Variants in DSCAM observed in about 807,000 individuals in gnomAD.
DSCAM encodes cell adhesion molecule DSCAM.
In DSCAM, 47 loss-of-function variants were observed where a neutral mutation model predicts 217.7. That is an observed-to-expected ratio of 0.22 (90% CI 0.17 to 0.28). The LOEUF is 0.28. Ranked by LOEUF, DSCAM falls within the 10% of genes least tolerant of loss-of-function variation. DSCAM has a pLI of 1.00. For synonymous variants in DSCAM, 1,056 were observed against 1,015.3 expected (o/e 1.04, Z -0.76); for missense variants, 2,080 against 2,618.3 (o/e 0.79, Z 4.49).
intron 1 of DSCAM, among the ~76,000 whole-genome samples, chr21:40,818,390 C>CA (rs1290323304): frequency 1.3e-5 from 2 of 150,722 alleles, no homozygotes; most frequent in Non-Finnish European, 3.0e-5. Flanking sequence ...ACTAAAAATA[C>CA]AAAAAATTAG....
At position 40,085,665 on chromosome 21, in the gene DSCAM, A is replaced by G; in HGVS notation, c.4069T>C (p.Tyr1357His). The G allele has an allele frequency of 2.5e-6, 4 of 1,595,144 alleles. No homozygotes were observed. The highest frequency in any genetic ancestry group is 1.7e-5 in the Admixed American group (1 of 59,740). The change falls in exon 23 of 33, where the codon TAC (tyrosine) becomes CAC (histidine). Residue 1357 changes from tyrosine (Y) to histidine (H), a missense_variant. Physicochemically the swap from Tyr to His is moderately conservative, Grantham distance 83. Coordinates refer to ENST00000400454, the MANE Select transcript of DSCAM (RefSeq NM_001389.5). ...RTVKAEDSGY[Y>H]SCIANNNWGS... Reference sequence around the variant, plus strand: ...CAGTTGTTATTGGCAATGCAGCTGTAATAGCCGGAGTCTTCTGCTTTCACC... The same window carrying G: ...CAGTTGTTATTGGCAATGCAGCTGTGATAGCCGGAGTCTTCTGCTTTCACC...
At chr21:40,434,162 A>G (rs561230053) in intron 3 of DSCAM, among the ~76,000 whole-genome samples, 1 of 152,292 alleles carries the variant, frequency 6.6e-6, no homozygotes, top group East Asian at 1.9e-4. Flanking sequence ...TTACACACAC[A>G]TGATCACGTG....
intron 4 of DSCAM, among the ~76,000 whole-genome samples, chr21:40,354,848 C>CAAAAA (rs11314417): frequency 1.2e-4 from 14 of 112,382 alleles, no homozygotes; most frequent in African/African-American, 4.0e-4. Context: ...AACTCTGTCT[C>CAAAAA]AAAAAAAAAA....
intron 3 of DSCAM, among the ~76,000 whole-genome samples, chr21:40,412,529 A>C (rs1421137955): frequency 6.6e-6 from 1 of 152,154 alleles, no homozygotes; most frequent in Non-Finnish European, 1.5e-5. Context: ...GACTGATGGC[A>C]TTTTGCCCCT....
chr21:40,263,300 G>T (rs749587669), intron 11 of DSCAM, among the ~76,000 whole-genome samples: 1 of 152,036 alleles, frequency 6.6e-6, no homozygotes, highest in African/African-American at 2.4e-5. Context: ...TCATGTTTAG[G>T]TTTACCTGGA....
intron 11 of DSCAM, among the ~76,000 whole-genome samples, chr21:40,225,598 T>C (rs557047415): frequency 5.3e-5 from 8 of 152,076 alleles, no homozygotes; most frequent in Admixed American, 1.3e-4. Context: ...ATCCAGGAGG[T>C]TGAGGGATTA....
chr21:40,594,615 G>A (rs1404218323), intron 3 of DSCAM, among the ~76,000 whole-genome samples: 1 of 152,176 alleles, frequency 6.6e-6, no homozygotes, highest in Non-Finnish European at 1.5e-5. Context: ...GATAATGTTG[G>A]GATGATGGCC....
At chr21:40,285,800 C>G (rs1435264511) in intron 10 of DSCAM, among the ~76,000 whole-genome samples, 2 of 152,092 alleles carry the variant, frequency 1.3e-5, no homozygotes, top group Non-Finnish European at 2.9e-5. Flanking sequence ...ATGTTGCCTT[C>G]TTCTCGTTTT....
At position 40,182,081 on chromosome 21, in the gene DSCAM, C is replaced by T. The variant is rs576601495; in HGVS notation, c.2780-2987G>A. Among the ~76,000 whole-genome samples the T allele has an allele frequency of 3.9e-5, 6 of 152,146 alleles. 1 individual carries two copies. The South Asian group carries it at 1.2e-3, about 32-fold the overall frequency. On this transcript the variant is annotated intron_variant, in intron 14 of 32. Coordinates refer to ENST00000400454, the MANE Select transcript of DSCAM (RefSeq NM_001389.5). ...ACCCCAAATCCAGTGGATGCAAGAGCAACAAGGACTAATATAAGAGAGTGG... is the reference window on the plus strand; with the variant it reads ...ACCCCAAATCCAGTGGATGCAAGAGTAACAAGGACTAATATAAGAGAGTGG...
At chr21:40,662,855 T>C (rs1340537499) in intron 3 of DSCAM, among the ~76,000 whole-genome samples, 1 of 152,062 alleles carries the variant, frequency 6.6e-6, no homozygotes, top group East Asian at 1.9e-4. Context: ...AAATGAACTG[T>C]TGTAGTTTCA....
chr21:40,276,303 C>G, intron 10 of DSCAM, 33 bp from the exon 11 acceptor site: 1 of 1,557,292 alleles, frequency 6.4e-7, no homozygotes, highest in Non-Finnish European at 8.7e-7. Context: ...AGCAATGATG[C>G]AAACGAGAGT....
At chr21:40,232,863 T>G (rs181757801) in intron 11 of DSCAM, among the ~76,000 whole-genome samples, 93 of 152,302 alleles carry the variant, frequency 6.1e-4, no homozygotes, top group African/African-American at 2.1e-3. Context: ...AAGTTATTCA[T>G]GTTGTTTATT....
intron 3 of DSCAM, among the ~76,000 whole-genome samples, chr21:40,448,948 T>C (rs775758814): frequency 1.3e-5 from 2 of 152,204 alleles, no homozygotes; most frequent in African/African-American, 2.4e-5. Context: ...TGAGTCTCAC[T>C]GAACTAAATG....
At chr21:40,766,166 C>A (rs554450384) in intron 1 of DSCAM, among the ~76,000 whole-genome samples, 2 of 152,258 alleles carry the variant, frequency 1.3e-5, no homozygotes, top group South Asian at 4.2e-4. Context: ...GGAAGAAAGA[C>A]TAATTAAATC....
intron 3 of DSCAM, among the ~76,000 whole-genome samples, chr21:40,691,944 T>C (rs1423218315): frequency 1.3e-5 from 2 of 152,260 alleles, no homozygotes; most frequent in South Asian, 4.1e-4. Context: ...TCTCTATAAA[T>C]GGATAAAATG....
chr21:40,767,913 CGT>C lies in DSCAM; in HGVS notation c.44-59144_44-59143del, dbSNP rs1491245924. Reference sequence around the variant, plus strand: ...TTCTCTCTCTCCCTGTGTGTGTGTGCGTGTGTGCATGTTACATGGTTTCACTA... The same window carrying C: ...TTCTCTCTCTCCCTGTGTGTGTGTGCGTGTGCATGTTACATGGTTTCACTA... On this transcript the variant is annotated intron_variant, in intron 1 of 32. Coordinates refer to ENST00000400454, the MANE Select transcript of DSCAM (RefSeq NM_001389.5). Among the ~76,000 whole-genome samples, 31 of 150,702 alleles carry C rather than the reference CGT, an allele frequency of 2.1e-4. 1 individual carries two copies. The highest frequency in any genetic ancestry group is 2.0e-3 in the Admixed American group (30 of 15,162).
intron 9 of DSCAM, among the ~76,000 whole-genome samples, chr21:40,296,762 C>T (rs865842020): frequency 2.2e-5 from 3 of 134,222 alleles, no homozygotes; most frequent in South Asian, 2.4e-4. Context: ...ACCCGGGAAG[C>T]GGAGGTTGCA....
At chr21:40,566,423 A>C (rs2076764974) in intron 3 of DSCAM, among the ~76,000 whole-genome samples, 1 of 152,196 alleles carries the variant, frequency 6.6e-6, no homozygotes, top group South Asian at 2.1e-4. Flanking sequence ...CTTCAACTGC[A>C]CCTAAGTAGT....
At position 40,024,649 on chromosome 21, in the gene DSCAM, A is replaced by G. The variant is rs1388937451; in HGVS notation, c.5687-11263T>C. On this transcript the variant is annotated intron_variant, in intron 32 of 32. Transcript: ENST00000400454. ...TTGAAGCAATTGTGAATGGGAGTTC[A>G]CTCATGATTTGGCTCTCTGTTTGTC... Among the ~76,000 whole-genome samples, 3 of 70,520 alleles carry G rather than the reference A, an allele frequency of 4.3e-5. 1 individual carries two copies. The highest frequency in any genetic ancestry group is 1.7e-4 in the African/African-American group (3 of 18,130). 46.3% of individuals were successfully genotyped at this position (70,520 alleles called of 152,430 possible). A position where few individuals can be genotyped will look rare whatever the true frequency, so the allele number is the denominator to read the frequency against.
Sources: allele counts gnomAD v4.1 joint callset (sites outside exome capture counted in the v4.1 genomes callset), GRCh38; gene constraint gnomAD v4.1.1; transcripts MANE v1.5; gene names NCBI Gene and HGNC (gene_info 2026-07-23, HGNC 2026-07-21).